SPHKAP: variants seen among roughly 807,000 people sequenced by gnomAD.
The protein encoded by SPHKAP is SPHK1 interactor, AKAP domain containing, also known as A-kinase anchor protein SPHKAP.
In SPHKAP, 67 loss-of-function variants were observed where a neutral mutation model predicts 137.5. The ratio of observed to expected loss-of-function variants is 0.49; its 90% CI spans 0.40 to 0.60. SPHKAP has a LOEUF of 0.60. Ranked by LOEUF, SPHKAP falls within the 20% of genes least tolerant of loss-of-function variation. SPHKAP has a pLI of 0.00. For synonymous variants in SPHKAP, 813 were observed against 785.3 expected (o/e 1.04, Z -0.59); for missense variants, 2,097 against 2,069.3 (o/e 1.01, Z -0.26).
At chr2:227,999,091 A>T (rs1693746982) in intron 7 of SPHKAP, among the ~76,000 whole-genome samples, 1 of 152,230 alleles carries the variant, frequency 6.6e-6, no homozygotes, top group African/African-American at 2.4e-5. Flanking sequence ...TTTCAAATGC[A>T]TAACTTTTTG....
chr2:228,014,839 T>C (rs1694505298), intron 7 of SPHKAP, among the ~76,000 whole-genome samples: 1 of 152,226 alleles, frequency 6.6e-6, no homozygotes, highest in Admixed American at 6.5e-5. Context: ...GGCATATGTC[T>C]CTGAAAAGAC....
Position 228,016,480 on chromosome 2 carries a change from C to A in SPHKAP, c.4374G>T (p.Gly1458=), listed in dbSNP as rs1359840709. ...CTGGGATGTTTTTGTCATTCGAATGCCCTTCTGCTTCCTCTAGGAGGCTGC... is the reference window on the plus strand; with the variant it reads ...CTGGGATGTTTTTGTCATTCGAATGACCTTCTGCTTCCTCTAGGAGGCTGC... The part of the protein sequence containing the change: ...SKSSLLEEAE[G]HSNDKNIPDV... Residue 1458 remains glycine, a synonymous_variant, in exon 7 of 12, where the codon GGG becomes GGT. Transcript: ENST00000392056. 1 of 1,613,408 alleles carries A rather than the reference C, an allele frequency of 6.2e-7. No homozygotes were observed. The highest frequency in any genetic ancestry group is 8.5e-7 in the Non-Finnish European group (1 of 1,179,748).
chr2:228,146,837 C>A (rs1390502609), intron 1 of SPHKAP, among the ~76,000 whole-genome samples: 1 of 152,176 alleles, frequency 6.6e-6, no homozygotes, highest in Non-Finnish European at 1.5e-5. Context: ...CATGTCTTAG[C>A]TATTGTGAAT....
At chr2:228,021,648 A>G in intron 6 of SPHKAP, 63 bp downstream of exon 6, 4 of 1,544,912 alleles carry the variant, frequency 2.6e-6, no homozygotes, top group Non-Finnish European at 3.5e-6. Flanking sequence ...CTTTTCTGAA[A>G]TCTCACCAAG....
intron 3 of SPHKAP, among the ~76,000 whole-genome samples, chr2:228,033,056 A>AT (rs1480168682): frequency 3.3e-5 from 5 of 152,200 alleles, no homozygotes; most frequent in Non-Finnish European, 5.9e-5. Context: ...AATGGGCTAA[A>AT]TGCTCAAATT....
chr2:228,047,463 T>C (rs1249526057), intron 3 of SPHKAP, among the ~76,000 whole-genome samples: 1 of 142,096 alleles, frequency 7.0e-6, no homozygotes, highest in Non-Finnish European at 1.5e-5. Context: ...CAAAACTCCA[T>C]CTCAAAAAAA....
chr2:228,164,259 C>T (rs1434146069), intron 1 of SPHKAP, among the ~76,000 whole-genome samples: 1 of 152,148 alleles, frequency 6.6e-6, no homozygotes, highest in Admixed American at 6.5e-5. Flanking sequence ...AGGCTGAAGG[C>T]TGCACTGTTG....
At chr2:228,037,135 C>T (rs1695651917) in intron 3 of SPHKAP, among the ~76,000 whole-genome samples, 1 of 152,128 alleles carries the variant, frequency 6.6e-6, no homozygotes. Flanking sequence ...TAGGCATACT[C>T]ACTCTTTTTA....
chr2:228,063,049 C>T (rs1206976932), intron 3 of SPHKAP, among the ~76,000 whole-genome samples: 1 of 152,138 alleles, frequency 6.6e-6, no homozygotes, highest in African/African-American at 2.4e-5. Flanking sequence ...GGTGAGAATA[C>T]TGTTGCTTGG....
In SPHKAP at chr2:228,057,653, T is replaced by C. The variant is rs185569310; in HGVS notation, c.247-30110A>G. ...GAGAGGTTTCCAGGTAGGGAACAAA[T>C]AGCATTTGCCAAGGCTTTGTGGCAA... is the stretch of plus-strand genomic sequence containing the variant. On this transcript the variant is annotated intron_variant, in intron 3 of 11. Transcript: ENST00000392056. Among the ~76,000 whole-genome samples, 358 of 152,194 alleles carry C rather than the reference T, an allele frequency of 2.4e-3. 3 individuals carry two copies. Among genetic ancestry groups the C allele is most frequent in the African/African-American group, 8.2e-3 (340 of 41,542 alleles).
chr2:228,034,001 C>T (rs957775586), intron 3 of SPHKAP, among the ~76,000 whole-genome samples: 1 of 152,164 alleles, frequency 6.6e-6, no homozygotes, highest in Non-Finnish European at 1.5e-5. Context: ...CTTTCAAAAA[C>T]TAGCAGAAGG....
chr2:228,038,076 G>A (rs536164221), intron 3 of SPHKAP, among the ~76,000 whole-genome samples: 6 of 152,304 alleles, frequency 3.9e-5, no homozygotes, highest in East Asian at 3.9e-4. Flanking sequence ...TGAGGAGATC[G>A]AATGTCTTCA....
chr2:228,026,542 T>C (rs1041252003), intron 4 of SPHKAP, among the ~76,000 whole-genome samples: 4 of 152,226 alleles, frequency 2.6e-5, no homozygotes, highest in African/African-American at 9.7e-5. Flanking sequence ...CTCTTAGCCA[T>C]AGCAGACAAT....
intron 1 of SPHKAP, among the ~76,000 whole-genome samples, chr2:228,163,033 T>C (rs1359848933): frequency 3.3e-5 from 5 of 152,040 alleles, no homozygotes; most frequent in Non-Finnish European, 1.5e-5. Context: ...CATGAGGAGG[T>C]AGCAAAACTG....
At position 228,016,429 on chromosome 2, in the gene SPHKAP, G is replaced by T; in HGVS notation, c.4425C>A (p.Ala1475=). 1.2e-6 allele frequency: 2 copies of T among 1,603,832 alleles called. No homozygotes were observed. Among genetic ancestry groups the T allele is most frequent in the Non-Finnish European group, 1.7e-6 (2 of 1,176,292 alleles). The part of the protein sequence containing the change: ...IPDVVRGGDT[A]VSACQIHSDS... ...ACCTATGGATTTGACAAGCGCTCAC[G>T]GCTGTGTCTCCACCTCTCACCACAT... Residue 1475 remains alanine, a synonymous_variant, in exon 7 of 12, where the codon GCC becomes GCA. Coordinates refer to ENST00000392056, the MANE Select transcript of SPHKAP (RefSeq NM_001142644.2).
rs1205332527 is a variant in SPHKAP, at chr2:228,092,465, TGCCATATATATGTATAC to T, written c.246+16350_246+16366del. Among the ~76,000 whole-genome samples the T allele has an allele frequency of 3.4e-3, 60 of 17,398 alleles. 1 individual carries two copies. Among genetic ancestry groups the T allele is most frequent in the African/African-American group, 0.013 (52 of 4,012 alleles). 11.4% of individuals were successfully genotyped at this position (17,398 alleles called of 152,430 possible). A position where few individuals can be genotyped will look rare whatever the true frequency, so the allele number is the denominator to read the frequency against. ...TGCCATATATATGTATACATATATG[TGCCATATATATGTATAC>T]ATATATGTGCCATATATATGTATAC... On this transcript the variant is annotated intron_variant, in intron 3 of 11. Coordinates refer to ENST00000392056, the MANE Select transcript of SPHKAP (RefSeq NM_001142644.2).
intron 1 of SPHKAP, among the ~76,000 whole-genome samples, chr2:228,149,980 T>G (rs1436295341): frequency 6.6e-6 from 1 of 152,130 alleles, no homozygotes; most frequent in African/African-American, 2.4e-5. Flanking sequence ...TTGAATAGAG[T>G]AATGCAAAAA....
rs1252009763 is a variant in SPHKAP, at chr2:228,053,748, A to G, written c.247-26205T>C. 2.0e-5 allele frequency among the ~76,000 whole-genome samples: 3 copies of G among 152,162 alleles called. No homozygotes were observed. The East Asian group carries it at 5.8e-4, about 29-fold the overall frequency. ...TTCCTGGATTTTTAGATGTGAAATG[A>G]CTTGGCATTTCCCTCTGAAGTCTTG... On this transcript the variant is annotated intron_variant, in intron 3 of 11. Coordinates refer to ENST00000392056, the MANE Select transcript of SPHKAP (RefSeq NM_001142644.2).
chr2:228,177,115 C>T (rs957039043), intron 1 of SPHKAP, among the ~76,000 whole-genome samples: 1 of 151,830 alleles, frequency 6.6e-6, no homozygotes, highest in Non-Finnish European at 1.5e-5. Context: ...GGAGTAAGGA[C>T]CCATTTACAA....
Sources: gnomAD v4.1 joint callset for allele counts (sites outside exome capture counted in the v4.1 genomes callset) on GRCh38, gnomAD v4.1.1 for gene constraint, MANE v1.5 for transcripts, NCBI Gene and HGNC (gene_info 2026-07-23, HGNC 2026-07-21) for gene names.